The following GALNT18 variants were observed in gnomAD, a reference collection of about 807,000 sequenced individuals.
GALNT18 encodes GalNAc-transferase 18.
A neutral mutation model predicts 69.5 loss-of-function variants in GALNT18; 44 were observed. The ratio of observed to expected loss-of-function variants is 0.63; its 90% confidence interval spans 0.50 to 0.81. The LOEUF is 0.81. GALNT18 is among the 40% of genes least tolerant of loss of function. The probability of loss-of-function intolerance (pLI) is 0.00; values close to 1 mark genes in which losing one functional copy is unlikely to be tolerated. For missense variants in GALNT18, 715 were observed against 810.0 expected, an observed-to-expected ratio of 0.88 and a Z score of 1.42; for synonymous variants, 364 against 318.2, an observed-to-expected ratio of 1.14 and a Z score of -1.53.
chr11:11,303,553 T>C (rs1034585324), intron 9 of GALNT18, among the ~76,000 whole-genome samples: 4 of 151,938 alleles, frequency 2.6e-5, no homozygotes, highest in African/African-American at 9.7e-5. Context: ...GCACTGATAC[T>C]AGATAGAGGC....
At chr11:11,300,272 T>C (rs4375432) in intron 9 of GALNT18, among the ~76,000 whole-genome samples, 98,970 of 151,960 alleles carry the variant, frequency 0.65, 32,971 homozygotes, top group Admixed American at 0.76. Context: ...AGACTCTCCC[T>C]GCTGAGCCTC....
At chr11:11,467,291 C>G (rs1482618987) in intron 1 of GALNT18, among the ~76,000 whole-genome samples, 4 of 152,238 alleles carry the variant, frequency 2.6e-5, no homozygotes, top group Non-Finnish European at 5.9e-5. Flanking sequence ...CTGCCCCAAC[C>G]TAGGTCACCC....
chr11:11,485,006 T>G (rs545891352), intron 1 of GALNT18, among the ~76,000 whole-genome samples: 19 of 152,314 alleles, frequency 1.2e-4, no homozygotes, highest in African/African-American at 4.3e-4. Context: ...CTTGGGCAAG[T>G]CACTCAACAT....
intron 2 of GALNT18, among the ~76,000 whole-genome samples, chr11:11,438,182 C>T (rs1328901699): frequency 2.0e-5 from 3 of 152,226 alleles, no homozygotes; most frequent in Non-Finnish European, 4.4e-5. Context: ...TCTGGCCTTA[C>T]TCAGATACAT....
intron 9 of GALNT18, among the ~76,000 whole-genome samples, chr11:11,325,142 T>A (rs1014950303): frequency 3.9e-5 from 6 of 152,254 alleles, no homozygotes; most frequent in Non-Finnish European, 7.3e-5. Flanking sequence ...AAAGAAAATG[T>A]GGTATATATT....
chr11:11,394,351 G>T (rs1374017020), intron 3 of GALNT18, among the ~76,000 whole-genome samples: 1 of 152,212 alleles, frequency 6.6e-6, no homozygotes, highest in East Asian at 1.9e-4. Flanking sequence ...CTATGGCTGA[G>T]TGTAGGGATA....
chr11:11,484,324 G>A (rs545898375), intron 1 of GALNT18, among the ~76,000 whole-genome samples: 2 of 152,128 alleles, frequency 1.3e-5, no homozygotes, highest in South Asian at 4.2e-4. Flanking sequence ...CAGGCATGGT[G>A]GCTCACACCT....
At chr11:11,553,957 G>C (rs2133973044) in intron 1 of GALNT18, among the ~76,000 whole-genome samples, 1 of 152,318 alleles carries the variant, frequency 6.6e-6, no homozygotes, top group South Asian at 2.1e-4. Flanking sequence ...CTGCCTGCCT[G>C]ATACTTCCGT....
At chr11:11,549,124 A>G (rs1469262422) in intron 1 of GALNT18, among the ~76,000 whole-genome samples, 1 of 152,220 alleles carries the variant, frequency 6.6e-6, no homozygotes, top group East Asian at 1.9e-4. Flanking sequence ...ATGCTTCTCC[A>G]TCCTCCTTCC....
At chr11:11,342,288 C>T (rs1850221834) in intron 6 of GALNT18, among the ~76,000 whole-genome samples, 2 of 152,180 alleles carry the variant, frequency 1.3e-5, no homozygotes, top group African/African-American at 4.8e-5. Context: ...TCAGGTGAAT[C>T]TGAAATACCT....
At position 11,337,013 on chromosome 11, in the gene GALNT18, T is replaced by C. The variant is rs1450650760; in HGVS notation, c.1278+3806A>G. On this transcript the variant is annotated intron_variant, in intron 7 of 10. Transcript: ENST00000227756. This position sits in a 1 kb window ranked among gnomAD's most constrained non-coding sequence, Gnocchi z 4.9. ...AGGGCTTCCTGGAGTAAGCAACACT[T>C]GTGGGTTTGAAAAAATGAGAAGGAC... Among the ~76,000 whole-genome samples the C allele has an allele frequency of 6.6e-6, 1 of 151,898 alleles. No individual in the cohort carries two copies. Among genetic ancestry groups the C allele is most frequent in the Non-Finnish European group, 1.5e-5 (1 of 67,974 alleles).
chr11:11,423,894 G>A (rs979808361), intron 3 of GALNT18, among the ~76,000 whole-genome samples: 3 of 152,232 alleles, frequency 2.0e-5, no homozygotes, highest in African/African-American at 7.2e-5. Flanking sequence ...AATTTATGGT[G>A]AAGTACTTAA....
rs890278114 is a variant in GALNT18 at position 11,564,195 on chromosome 11, C to T, written c.235+57164G>A. ...GAGTTTATAAGCTTCCACGCTAGAACGTGTGACTGCAAGTCCCGGGTCCAT... is the reference window on the plus strand; with the variant it reads ...GAGTTTATAAGCTTCCACGCTAGAATGTGTGACTGCAAGTCCCGGGTCCAT... On this transcript the variant is annotated intron_variant, in intron 1 of 10. Transcript: ENST00000227756. This position sits in a 1 kb window ranked among gnomAD's most constrained non-coding sequence, Gnocchi z 4.3. Among the ~76,000 whole-genome samples, 3 of 152,184 alleles carry T rather than the reference C, an allele frequency of 2.0e-5. No homozygotes were observed. Among genetic ancestry groups the T allele is most frequent in the African/African-American group, 2.4e-5 (1 of 41,440 alleles).
At position 11,586,128 on chromosome 11, in the gene GALNT18, G is replaced by A. The variant is rs1340430037; in HGVS notation, c.235+35231C>T. Among the ~76,000 whole-genome samples, 1 of 152,082 alleles carries A rather than the reference G, an allele frequency of 6.6e-6. No individual in the cohort carries two copies. Among genetic ancestry groups the A allele is most frequent in the East Asian group, 1.9e-4 (1 of 5,184 alleles). On this transcript the variant is annotated intron_variant, in intron 1 of 10. Coordinates refer to ENST00000227756, the MANE Select transcript of GALNT18 (RefSeq NM_198516.3). The surrounding 1 kb of genome is among the most constrained non-coding windows in gnomAD (Gnocchi z 4.1). ...CTTGGACTTTCCGGCCTCCAGAACT[G>A]TGAAAAATAAATTTCTATTGTTTAT...
chr11:11,620,351 A>G lies in GALNT18; in HGVS notation c.235+1008T>C, dbSNP rs868634692. 6.0e-5 allele frequency among the ~76,000 whole-genome samples: 9 copies of G among 151,224 alleles called. No homozygotes were observed. The highest frequency in any genetic ancestry group is 2.2e-4 in the African/African-American group (9 of 40,942). On this transcript the variant is annotated intron_variant, in intron 1 of 10. Coordinates refer to ENST00000227756, the MANE Select transcript of GALNT18 (RefSeq NM_198516.3). The surrounding 1 kb of genome is among the most constrained non-coding windows in gnomAD (Gnocchi z 6.9). ...CGCGCGCGTGTGTGTGTGTGTGTGCACACCCGGCACCAGTGCTCCTGGCGC... is the reference window on the plus strand; with the variant it reads ...CGCGCGCGTGTGTGTGTGTGTGTGCGCACCCGGCACCAGTGCTCCTGGCGC...
At chr11:11,398,786 A>AAAGG (rs1158839085) in intron 3 of GALNT18, among the ~76,000 whole-genome samples, 1 of 152,230 alleles carries the variant, frequency 6.6e-6, no homozygotes, top group Admixed American at 6.5e-5. Flanking sequence ...TACTACAGAC[A>AAAGG]ATGGGACTTA....
rs965400839 is a variant in GALNT18, at chr11:11,566,788, G to A, written c.235+54571C>T. On this transcript the variant is annotated intron_variant, in intron 1 of 10. Transcript: ENST00000227756. ...TTGAGAAAATTCAGAGGAACAAAAG[G>A]TCCTGATGAACAGACCACTTTGAAC... 2.0e-5 allele frequency among the ~76,000 whole-genome samples: 3 copies of A among 152,124 alleles called. 1 individual carries two copies. Among genetic ancestry groups the A allele is most frequent in the East Asian group, 3.8e-4 (2 of 5,198 alleles).
chr11:11,445,569 G>GT (rs912713219), intron 2 of GALNT18, among the ~76,000 whole-genome samples: 3 of 152,206 alleles, frequency 2.0e-5, no homozygotes, highest in Non-Finnish European at 4.4e-5. Context: ...GCACATACTT[G>GT]TTTTGTGTGG....
chr11:11,495,184 C>A (rs558115552), intron 1 of GALNT18, among the ~76,000 whole-genome samples: 1 of 152,166 alleles, frequency 6.6e-6, no homozygotes, highest in Non-Finnish European at 1.5e-5. Context: ...GGTTTCGAAC[C>A]GTAGGTTTCC....
Sources: allele counts gnomAD v4.1 joint callset (sites outside exome capture counted in the v4.1 genomes callset), GRCh38; gene constraint gnomAD v4.1.1; non-coding constraint Gnocchi (gnomAD v3.1); transcripts MANE v1.5; gene names NCBI Gene and HGNC (gene_info 2026-07-23, HGNC 2026-07-21).